The following SASH1 variants were observed in gnomAD, a reference collection of about 807,000 sequenced individuals.
SASH1 encodes SAM and SH3 domain-containing protein 1.
A neutral mutation model predicts 125.2 loss-of-function variants in SASH1; 44 were observed. The observed-to-expected ratio is 0.35, with a 90% CI of 0.28 to 0.45. SASH1 has a LOEUF of 0.45. Ranked by LOEUF, SASH1 falls within the 20% of genes least tolerant of loss-of-function variation. The pLI is 1.00. For synonymous variants in SASH1, 639 were observed against 649.1 expected (o/e 0.98, Z 0.24); for missense variants, 1,426 against 1,614.5 (o/e 0.88, Z 2.00).
intron 1 of SASH1, among the ~76,000 whole-genome samples, chr6:148,347,921 G>A (rs1354862014): frequency 6.6e-6 from 1 of 152,240 alleles, no homozygotes; most frequent in Non-Finnish European, 1.5e-5. Context: ...CAGGGTAACA[G>A]AGAGGAGGCA....
At chr6:148,401,754 A>G (rs1253166800) in intron 2 of SASH1, among the ~76,000 whole-genome samples, 1 of 152,132 alleles carries the variant, frequency 6.6e-6, no homozygotes, top group African/African-American at 2.4e-5. Flanking sequence ...GAAGCACATC[A>G]TGAATATTCG....
the SASH1 span, among the ~76,000 whole-genome samples, chr6:148,210,334 C>T: frequency 2.0e-5 from 3 of 152,296 alleles, no homozygotes; most frequent in East Asian, 5.8e-4. Context: ...TCAAGACCAG[C>T]CTGACTAACA....
At chr6:148,237,303 T>A in the SASH1 span, among the ~76,000 whole-genome samples, 1 of 152,172 alleles carries the variant, frequency 6.6e-6, no homozygotes, top group Non-Finnish European at 1.5e-5. Flanking sequence ...TCAAGACATA[T>A]GACTTGACAT....
At chr6:148,481,633 G>T (rs1778622450) in intron 7 of SASH1, among the ~76,000 whole-genome samples, 1 of 152,078 alleles carries the variant, frequency 6.6e-6, no homozygotes, top group Non-Finnish European at 1.5e-5. Flanking sequence ...TGAGCAGGAG[G>T]GAGAGAGATG....
chr6:148,548,468 G>A lies in SASH1; in HGVS notation c.3654G>A (p.Gln1218=). ...QVPSLSHTCL[Q]EAGITEERHI... ...CTTCTCTGTCTCACACTTGCCTTCA[G>A]GAGGCCGGCATCACAGAGGAGAGAC... is the stretch of plus-strand genomic sequence containing the variant. Residue 1218 remains glutamine, a synonymous_variant, in exon 20 of 20, where the codon CAG becomes CAA. Transcript: ENST00000367467. 1.2e-6 allele frequency: 2 copies of A among 1,614,220 alleles called. No individual in the cohort carries two copies. Among genetic ancestry groups the A allele is most frequent in the Non-Finnish European group, 8.5e-7 (1 of 1,180,048 alleles).
chr6:148,239,891 C>T, the SASH1 span: 2 of 152,192 alleles, frequency 1.3e-5, no homozygotes, highest in African/African-American at 4.8e-5. Context: ...GAGCTACACT[C>T]GGGTGCTCAC....
chr6:148,350,325 A>C (rs1348720415), intron 1 of SASH1, among the ~76,000 whole-genome samples: 2 of 152,182 alleles, frequency 1.3e-5, no homozygotes, highest in African/African-American at 4.8e-5. Flanking sequence ...GTATCTATCC[A>C]TGTATATATG....
intron 1 of SASH1, among the ~76,000 whole-genome samples, chr6:148,360,289 T>C (rs943059167): frequency 6.6e-6 from 1 of 151,796 alleles, no homozygotes; most frequent in Non-Finnish European, 1.5e-5. Context: ...CATTTTTGTG[T>C]GATAGCTGGA....
At chr6:148,329,517 C>T (rs779092593) in intron 1 of SASH1, among the ~76,000 whole-genome samples, 2 of 152,212 alleles carry the variant, frequency 1.3e-5, no homozygotes, top group African/African-American at 2.4e-5. Context: ...TCATTGAAGA[C>T]ATTGCCACAG....
intron 2 of SASH1, among the ~76,000 whole-genome samples, chr6:148,410,234 G>C (rs533007486): frequency 1.3e-5 from 2 of 148,468 alleles, no homozygotes; most frequent in African/African-American, 5.0e-5. Context: ...CCTCAGCCTC[G>C]TGAGTAGCTG....
At position 148,548,567 on chromosome 6, in the gene SASH1, G is replaced by A. The variant is rs749684838; in HGVS notation, c.*9G>A. On this transcript the variant is annotated 3_prime_UTR_variant, in exon 20 of 20. Transcript: ENST00000367467. ...GCCCTGAGGCCATGTAGCCAGGCCCGGAATGGGCCTCTCTGGACAAGAGCC... is the reference window on the plus strand; with the variant it reads ...GCCCTGAGGCCATGTAGCCAGGCCCAGAATGGGCCTCTCTGGACAAGAGCC... The A allele has an allele frequency of 4.2e-5, 66 of 1,582,780 alleles. No individual in the cohort carries two copies. The East Asian group carries it at 4.5e-4, about 11-fold the overall frequency.
At chr6:148,257,273 C>T in the SASH1 span, among the ~76,000 whole-genome samples, 1 of 152,148 alleles carries the variant, frequency 6.6e-6, no homozygotes, top group Non-Finnish European at 1.5e-5. Context: ...GGCATCAGAT[C>T]TCTGGCACAT....
intron 8 of SASH1, among the ~76,000 whole-genome samples, chr6:148,510,455 G>T (rs1780049373): frequency 6.6e-6 from 1 of 152,124 alleles, no homozygotes; most frequent in East Asian, 1.9e-4. Context: ...GAATGTGTGT[G>T]AATATATACT....
intron 1 of SASH1, among the ~76,000 whole-genome samples, chr6:148,320,084 G>A (rs946254482): frequency 6.6e-6 from 1 of 152,196 alleles, no homozygotes; most frequent in Admixed American, 6.5e-5. Context: ...ATCGTTAGTT[G>A]TTAATGTATT....
intron 8 of SASH1, among the ~76,000 whole-genome samples, 157 bp downstream of exon 8, chr6:148,487,872 CAG>C (rs1383910980): frequency 6.6e-6 from 1 of 151,150 alleles, no homozygotes; most frequent in East Asian, 1.9e-4. Flanking sequence ...CTCTACCTGA[CAG>C]AGACTCATCT....
Position 148,303,926 on chromosome 6 carries a change from A to G in SASH1, n.74+31549A>G, listed in dbSNP as rs187995692. On this transcript the variant is annotated intron_variant and non_coding_transcript_variant, in intron 1 of 3. Coordinates refer to the SASH1 transcript ENST00000367469. ...GGAAAAATGCAATATACCAAAACTTATAAGATGCAGCTAAAACAATGCTCA... is the reference window on the plus strand; with the variant it reads ...GGAAAAATGCAATATACCAAAACTTGTAAGATGCAGCTAAAACAATGCTCA... Among the ~76,000 whole-genome samples the G allele has an allele frequency of 8.5e-5, 13 of 152,344 alleles. No homozygotes were observed. The East Asian group carries it at 1.2e-3, about 14-fold the overall frequency.
intron 1 of SASH1, among the ~76,000 whole-genome samples, chr6:148,361,029 T>C (rs1782182353): frequency 6.6e-6 from 1 of 152,000 alleles, no homozygotes; most frequent in African/African-American, 2.4e-5. Flanking sequence ...GGGGGGAAGA[T>C]GAAGTAAAGA....
chr6:148,334,236 A>G (rs1781081793), intron 1 of SASH1, among the ~76,000 whole-genome samples: 1 of 142,322 alleles, frequency 7.0e-6, no homozygotes, highest in South Asian at 2.3e-4. Context: ...CATCCTGGCT[A>G]ACACGGTGAA....
chr6:148,369,152 G>T (rs1444386803), intron 1 of SASH1, among the ~76,000 whole-genome samples: 1 of 152,186 alleles, frequency 6.6e-6, no homozygotes, highest in Admixed American at 6.5e-5. Context: ...AATCATCAGC[G>T]TGTGCAAGGT....
Sources: gnomAD v4.1 joint callset for allele counts (sites outside exome capture counted in the v4.1 genomes callset) on GRCh38, gnomAD v4.1.1 for gene constraint, MANE v1.5 for transcripts, NCBI Gene and HGNC (gene_info 2026-07-23, HGNC 2026-07-21) for gene names.